EIF2AK4: variants seen among roughly 807,000 people sequenced by gnomAD.
The protein encoded by EIF2AK4 is eIF-2-alpha kinase GCN2.
EIF2AK4 carries 139 observed loss-of-function variants against 211.1 expected under a neutral mutation model. The observed-to-expected ratio is 0.66, with a 90% confidence interval of 0.57 to 0.76. The LOEUF (loss-of-function observed/expected upper bound fraction) is 0.76, where lower values mean the gene tolerates loss of function less well. EIF2AK4 is among the 30% of genes least tolerant of loss of function. The probability of loss-of-function intolerance (pLI) is 0.00; values close to 1 mark genes in which losing one functional copy is unlikely to be tolerated. For synonymous variants in EIF2AK4, 710 were observed against 751.3 expected (o/e 0.94, Z 0.90); for missense variants, 1,664 against 2,043.8 (o/e 0.81, Z 3.58).
chr15:39,982,162 G>T (rs2034799521), intron 13 of EIF2AK4, among the ~76,000 whole-genome samples: 1 of 152,138 alleles, frequency 6.6e-6, no homozygotes, highest in Non-Finnish European at 1.5e-5. Flanking sequence ...CTGACCTCGT[G>T]ATCCGCCCGC....
intron 19 of EIF2AK4, among the ~76,000 whole-genome samples, 189 bp downstream of exon 19, chr15:39,997,254 C>G (rs1238702459): frequency 6.6e-6 from 1 of 152,112 alleles, no homozygotes; most frequent in Non-Finnish European, 1.5e-5. Flanking sequence ...AAACATTTTT[C>G]TGAGCAAAGG....
intron 19 of EIF2AK4, among the ~76,000 whole-genome samples, chr15:39,998,106 G>A (rs1046190504): frequency 3.3e-5 from 5 of 152,038 alleles, no homozygotes; most frequent in South Asian, 2.1e-4. Context: ...CTATTGCCTC[G>A]CCTTGACTGC....
intron 30 of EIF2AK4, 83 bp downstream of exon 30, chr15:40,019,283 A>T (rs143054828): frequency 6.7e-6 from 7 of 1,049,360 alleles, no homozygotes; most frequent in Non-Finnish European, 8.2e-6. Context: ...AGTCATTTAC[A>T]TGGGGCTTCT....
At chr15:39,986,464 G>A (rs1173055938) in intron 14 of EIF2AK4, among the ~76,000 whole-genome samples, 1 of 152,232 alleles carries the variant, frequency 6.6e-6, no homozygotes, top group Non-Finnish European at 1.5e-5. Flanking sequence ...GTTCCAATGG[G>A]GCATGACTGA....
intron 12 of EIF2AK4, 81 bp downstream of exon 12, chr15:39,976,925 T>TTTCCTTCC (rs10649761): frequency 1.7e-5 from 21 of 1,248,404 alleles, no homozygotes; most frequent in Non-Finnish European, 2.0e-5. Context: ...TTTCCTTTCA[T>TTTCCTTCC]TTCCTTCCTT....
intron 11 of EIF2AK4, chr15:39,975,123 T>G (rs2034676013): frequency 6.6e-6 from 1 of 152,228 alleles, no homozygotes; most frequent in Non-Finnish European, 1.5e-5. Context: ...TATTTCAGAT[T>G]GTGTGCCAGG....
At chr15:39,953,288 A>G (rs1014410153) in intron 4 of EIF2AK4, among the ~76,000 whole-genome samples, 7 of 152,164 alleles carry the variant, frequency 4.6e-5, no homozygotes, top group African/African-American at 1.7e-4. Context: ...ACATTGTATT[A>G]TTGCTGTTAT....
At position 39,939,480 on chromosome 15, in the gene EIF2AK4, A is replaced by T. The variant is rs551917918; in HGVS notation, c.145-25A>T. 1.2e-3 allele frequency: 1,814 copies of T among 1,560,644 alleles called. 18 individuals carry two copies. In the East Asian group the frequency reaches 0.022, roughly 19 times the overall value. ...GATTGGCTCTACAGCTTTGAAAAAA[A>T]TTTTTTTTGTTTTTCCTCTTTTAGG... On this transcript the variant is annotated intron_variant, in intron 1 of 38. Transcript: ENST00000263791.
chr15:40,033,585 A>G (rs532062934), intron 37 of EIF2AK4, among the ~76,000 whole-genome samples: 88 of 152,334 alleles, frequency 5.8e-4, no homozygotes, highest in Non-Finnish European at 8.8e-5. Flanking sequence ...AAATTAGATT[A>G]ATAGTGAACT....
chr15:39,934,359 G>C lies in EIF2AK4; in HGVS notation c.144+20G>C, dbSNP rs765875710. ...GGACCGGTAGGAACGTGGCTTGTCAGGCCCGGGCTGGCGTGCCCTGGCCTC... is the reference window on the plus strand; with the variant it reads ...GGACCGGTAGGAACGTGGCTTGTCACGCCCGGGCTGGCGTGCCCTGGCCTC... On this transcript the variant is annotated intron_variant, in intron 1 of 38. Transcript: ENST00000263791. 10 of 1,591,090 alleles carry C rather than the reference G, an allele frequency of 6.3e-6. No homozygotes were observed. In the East Asian group the frequency reaches 2.1e-4, roughly 33 times the overall value.
intron 25 of EIF2AK4, among the ~76,000 whole-genome samples, chr15:40,008,760 C>T (rs2035196242): frequency 6.6e-6 from 1 of 152,160 alleles, no homozygotes; most frequent in Admixed American, 6.6e-5. Context: ...TTCTTCTCAA[C>T]TCTCACAGGT....
At chr15:39,974,605 A>G (rs1172029675) in intron 11 of EIF2AK4, 1 of 152,236 alleles carries the variant, frequency 6.6e-6, no homozygotes, top group Non-Finnish European at 1.5e-5. Context: ...AGAGGAGGGG[A>G]TGATTGAAGC....
At chr15:39,986,540 C>T (rs1248747238) in intron 14 of EIF2AK4, among the ~76,000 whole-genome samples, 1 of 152,226 alleles carries the variant, frequency 6.6e-6, no homozygotes, top group Non-Finnish European at 1.5e-5. Flanking sequence ...TGAGTGGGCT[C>T]TTCCAGTAGA....
At chr15:40,025,681 A>G (rs1372288879) in intron 32 of EIF2AK4, among the ~76,000 whole-genome samples, 1 of 152,202 alleles carries the variant, frequency 6.6e-6, no homozygotes, top group Non-Finnish European at 1.5e-5. Context: ...GTGATAAACT[A>G]GTCCAGACCA....
chr15:40,027,216 G>A (rs1188650835), intron 33 of EIF2AK4, among the ~76,000 whole-genome samples: 1 of 152,064 alleles, frequency 6.6e-6, no homozygotes, highest in Non-Finnish European at 1.5e-5. Context: ...TTACATTTTT[G>A]TAATCTATTT....
intron 4 of EIF2AK4, among the ~76,000 whole-genome samples, chr15:39,953,136 G>A (rs1050330209): frequency 2.0e-5 from 3 of 152,168 alleles, no homozygotes; most frequent in Non-Finnish European, 4.4e-5. Context: ...ATGAGCTACC[G>A]CACCCTGCCG....
chr15:40,026,122 CT>C, intron 33 of EIF2AK4, 33 bp downstream of exon 33: 1 of 1,563,804 alleles, frequency 6.4e-7, no homozygotes, highest in East Asian at 2.2e-5. Flanking sequence ...AGAAAAGTGA[CT>C]TCAGTTACCT....
chr15:40,018,106 A>T (rs1278329818), intron 29 of EIF2AK4, among the ~76,000 whole-genome samples: 2 of 152,144 alleles, frequency 1.3e-5, no homozygotes, highest in Admixed American at 6.5e-5. Flanking sequence ...TTCTTCTAAT[A>T]CATTGAGATC....
intron 3 of EIF2AK4, chr15:39,946,718 A>C (rs1376489457): frequency 5.8e-6 from 4 of 694,676 alleles, no homozygotes; most frequent in African/African-American, 5.3e-5. Context: ...CAGCAACTTC[A>C]TTGTTGTCTT....
Sources: allele counts gnomAD v4.1 joint callset (sites outside exome capture counted in the v4.1 genomes callset), GRCh38; gene constraint gnomAD v4.1.1; transcripts MANE v1.5; gene names NCBI Gene and HGNC (gene_info 2026-07-23, HGNC 2026-07-21).